C22orf31: variants seen among roughly 807,000 people sequenced by gnomAD.
C22orf31 encodes the protein uncharacterized protein C22orf31.
Under a neutral mutation model 15.0 loss-of-function variants are expected in C22orf31, and 11 were observed. The observed-to-expected ratio is 0.73, with a 90% CI of 0.46 to 1.21. C22orf31 has a LOEUF of 1.21. Among genes scored for constraint, C22orf31 ranks in the 50% most tolerant of loss-of-function variants. The pLI is 0.00. For synonymous variants in C22orf31, 132 were observed against 133.3 expected, an observed-to-expected ratio of 0.99 and a Z score of 0.07; for missense variants, 340 against 347.2, an observed-to-expected ratio of 0.98 and a Z score of 0.17.
At chr22:29,060,168 A>G (rs1219896486) in intron 2 of C22orf31, among the ~76,000 whole-genome samples, 1 of 148,806 alleles carries the variant, frequency 6.7e-6, no homozygotes, top group Non-Finnish European at 1.5e-5. Context: ...AGTAGCTGGG[A>G]TCACAGGCAT....
chr22:29,067,101 C>G, the C22orf31 span, among the ~76,000 whole-genome samples: 1 of 151,968 alleles, frequency 6.6e-6, no homozygotes, highest in Non-Finnish European at 1.5e-5. Context: ...GAAGGAAAAT[C>G]GGGAATACAG....
At chr22:29,061,877 T>TC (rs1425179246), upstream of C22orf31, 7 of 1,003,764 alleles carry the variant, frequency 7.0e-6, no homozygotes, top group African/African-American at 1.9e-5. Flanking sequence ...TCTCTCTCTC[T>TC]TTTTTTTTGT....
In C22orf31 at chr22:29,060,488, C is replaced by T. The variant is rs1399710514; in HGVS notation, c.359G>A (p.Arg120Lys). ...CTTGGAACTGATGAAGTTTCTTTTC[C>T]TGGCCTGCTGGGTGGCTTTCATCAC... ...DSVMKATQQA[R>K]KRNFISSKSK... is the part of the protein sequence containing the mutation. Residue 120 changes from arginine to lysine, a missense_variant, in exon 2 of 3, where the codon AGG (arginine) becomes AAG (lysine). Transcript: ENST00000216071. The T allele has an allele frequency of 1.2e-6, 2 of 1,614,032 alleles. No homozygotes were observed. The highest frequency in any genetic ancestry group is 2.2e-5 in the South Asian group (2 of 91,072).
In C22orf31 at chr22:29,060,423, T is replaced by A; in HGVS notation, c.424A>T (p.Ile142Phe). ...PAGHRRPAGG[I>F]RESKESSKEK... ...CACTGGTCCTCGTCTACCTCTCTGATGCCTCCTGCAGGCCTCCTATGCCCT... is the reference window on the plus strand; with the variant it reads ...CACTGGTCCTCGTCTACCTCTCTGAAGCCTCCTGCAGGCCTCCTATGCCCT... The change falls in exon 2 of 3, where the codon ATC (isoleucine) becomes TTC (phenylalanine). Residue 142 changes from isoleucine (I) to phenylalanine (F), a missense_variant. Physicochemically the swap from Ile to Phe is conservative, Grantham distance 21. Coordinates refer to ENST00000216071, the MANE Select transcript of C22orf31 (RefSeq NM_015370.2). The A allele has an allele frequency of 6.2e-7, 1 of 1,611,280 alleles. No homozygotes were observed. Among genetic ancestry groups the A allele is most frequent in the African/African-American group, 1.3e-5 (1 of 74,816 alleles).
At chr22:29,073,404 C>T in the C22orf31 span, among the ~76,000 whole-genome samples, 4 of 151,702 alleles carry the variant, frequency 2.6e-5, no homozygotes, top group Admixed American at 6.6e-5. The surrounding 1 kb of genome is among the most constrained non-coding windows in gnomAD (Gnocchi z 4.4). Context: ...CCCGGGCTAC[C>T]CCCAGGCCCG....
the C22orf31 span, among the ~76,000 whole-genome samples, chr22:29,071,392 G>A: frequency 6.6e-6 from 1 of 152,088 alleles, no homozygotes; most frequent in Admixed American, 6.5e-5. Flanking sequence ...GCGAGCAGCC[G>A]TGGGTGGGGA....
chr22:29,060,013 T>A lies in C22orf31; in HGVS notation c.432+402A>T, dbSNP rs975629637. On this transcript the variant is annotated intron_variant, in intron 2 of 2. Coordinates refer to ENST00000216071, the MANE Select transcript of C22orf31 (RefSeq NM_015370.2). The stretch of plus-strand genomic sequence containing the variant: ...TTCCTTCACTTGGTATAGATCTTTT[T>A]TTCTTTTCTTTTTTTTTTTTTTTTT... 11 of 942,534 alleles carry A rather than the reference T, an allele frequency of 1.2e-5. No individual in the cohort carries two copies. In the African/African-American group the frequency reaches 1.8e-4, roughly 15 times the overall value. The allele number at this position is 942,534 out of a possible 1,614,324, so 58.4% of individuals were successfully genotyped here.
At chr22:29,060,300 T>C (rs542883611) in intron 2 of C22orf31, 115 bp downstream of exon 2, 9 of 1,020,280 alleles carry the variant, frequency 8.8e-6, no homozygotes, top group Middle Eastern at 3.3e-4. Context: ...CCCAAAGTGC[T>C]GAGATTATAG....
the C22orf31 span, among the ~76,000 whole-genome samples, chr22:29,071,637 C>T: frequency 6.6e-6 from 1 of 152,096 alleles, no homozygotes; most frequent in African/African-American, 2.4e-5. Flanking sequence ...TGGACCTGCC[C>T]CGCCGGGCGT....
At chr22:29,061,664 T>C (rs1358188878) in intron 1 of C22orf31, 126 bp downstream of exon 1, 7 of 669,414 alleles carry the variant, frequency 1.0e-5, no homozygotes, top group Admixed American at 5.5e-5. Flanking sequence ...AAAACATTAA[T>C]GCTGCCGGCC....
upstream of C22orf31, among the ~76,000 whole-genome samples, chr22:29,062,791 C>G (rs968468750): frequency 2.0e-5 from 3 of 152,116 alleles, no homozygotes; most frequent in African/African-American, 7.2e-5. Context: ...GACCCACAGA[C>G]AGTTGAGAGG....
At position 29,060,748 on chromosome 22, in the gene C22orf31, G is replaced by A. The variant is rs2037382582; in HGVS notation, c.99C>T (p.Asp33=). The A allele has an allele frequency of 6.2e-7, 1 of 1,614,134 alleles. No individual in the cohort carries two copies. The highest frequency in any genetic ancestry group is 8.5e-7 in the Non-Finnish European group (1 of 1,179,992). The change falls in exon 2 of 3, where the codon GAC becomes GAT. Residue 33 remains aspartate, a synonymous_variant. Coordinates refer to ENST00000216071, the MANE Select transcript of C22orf31 (RefSeq NM_015370.2). ...TCCAGATGTTGGTGAGAGCCGGTGA[G>A]TCCACATAGCAGTCCTGAAGCCTGG... ...LNTRLQDCYV[D]SPALTNIWMA...
In C22orf31 at chr22:29,060,673, G is replaced by T; in HGVS notation, c.174C>A (p.Thr58=). 6.2e-7 allele frequency: 1 copy of T among 1,614,156 alleles called. No individual in the cohort carries two copies. Among genetic ancestry groups the T allele is most frequent in the South Asian group, 1.1e-5 (1 of 91,078 alleles). ...TCCTTACAACTTCCCAAGAGGAAGT[G>T]GTAGCTGGTGCTGGGGCATTAATGT... The part of the protein sequence containing the change: ...KQNINAPAPA[T]TSSWEVVRNP... The change falls in exon 2 of 3, where the codon ACC becomes ACA. Residue 58 remains threonine (T), a synonymous_variant. Coordinates refer to ENST00000216071, the MANE Select transcript of C22orf31 (RefSeq NM_015370.2).
At chr22:29,073,600 C>T in the C22orf31 span, among the ~76,000 whole-genome samples, 1 of 152,064 alleles carries the variant, frequency 6.6e-6, no homozygotes, top group Non-Finnish European at 1.5e-5. The surrounding 1 kb of genome is among the most constrained non-coding windows in gnomAD (Gnocchi z 4.4). Flanking sequence ...CTCAGCGACC[C>T]CAACCAGGCC....
rs1430721072 is a variant in C22orf31 at position 29,058,768 on chromosome 22, A to G, written c.847T>C (p.Trp283Arg). 1 of 1,611,254 alleles carries G rather than the reference A, an allele frequency of 6.2e-7. No homozygotes were observed. The highest frequency in any genetic ancestry group is 8.5e-7 in the Non-Finnish European group (1 of 1,179,172). The change falls in exon 3 of 3, where the codon TGG becomes CGG. Residue 283 changes from tryptophan to arginine, a missense_variant. Coordinates refer to ENST00000216071, the MANE Select transcript of C22orf31 (RefSeq NM_015370.2). ...GVHEEPVLKK[W>R]PKLKSKK ...TATTTTTTGCTCTTTAACTTGGGCC[A>G]TTTCTTGAGTACAGGCTCCTCGTGG...
chr22:29,059,907 A>T, intron 2 of C22orf31: 1 of 985,266 alleles, frequency 1.0e-6, no homozygotes, highest in South Asian at 4.7e-5. Flanking sequence ...AATGATAAAT[A>T]GCATGACCCC....
chr22:29,072,364 G>A, the C22orf31 span, among the ~76,000 whole-genome samples: 105 of 152,204 alleles, frequency 6.9e-4, no homozygotes, highest in South Asian at 2.3e-3. Flanking sequence ...GGGCTCAAGC[G>A]ATTCTTCCGT....
chr22:29,070,467 T>G, the C22orf31 span, among the ~76,000 whole-genome samples: 1 of 152,186 alleles, frequency 6.6e-6, no homozygotes, highest in Non-Finnish European at 1.5e-5. Flanking sequence ...CAAATAAACT[T>G]TGTTTCCAAC....
the C22orf31 span, among the ~76,000 whole-genome samples, chr22:29,073,807 T>C: frequency 2.6e-3 from 258 of 97,554 alleles, no homozygotes; most frequent in Admixed American, 5.8e-3. This position sits in a 1 kb window ranked among gnomAD's most constrained non-coding sequence, Gnocchi z 4.4. Flanking sequence ...CAGCGACCCC[T>C]CCCGGGCCGG....
Sources: allele counts gnomAD v4.1 joint callset (sites outside exome capture counted in the v4.1 genomes callset), GRCh38; gene constraint gnomAD v4.1.1; non-coding constraint Gnocchi (gnomAD v3.1); transcripts MANE v1.5; gene names NCBI Gene and HGNC (gene_info 2026-07-23, HGNC 2026-07-21).